LOC400499: variants seen among roughly 807,000 people sequenced by gnomAD.
At chr16:11,477,252 G>A in the LOC400499 span, among the ~76,000 whole-genome samples, 3,507 of 152,296 alleles carry the variant, frequency 0.023, 91 homozygotes, top group East Asian at 0.14. Flanking sequence ...GGCTCTTCAC[G>A]CCAGAGAGCA....
At chr16:11,391,822 G>T in the LOC400499 span, 1 of 1,232,282 alleles carries the variant, frequency 8.1e-7, no homozygotes. Flanking sequence ...AGCTGCAGAA[G>T]GAGGCCTGCC....
At chr16:11,384,304 C>G in the LOC400499 span, 5 of 1,232,272 alleles carry the variant, frequency 4.1e-6, no homozygotes, top group Non-Finnish European at 5.1e-6. Context: ...GTCATTGGTG[C>G]CCAGAAGGCC....
At chr16:11,502,475 C>A in the LOC400499 span, among the ~76,000 whole-genome samples, 2 of 152,220 alleles carry the variant, frequency 1.3e-5, no homozygotes, top group Non-Finnish European at 2.9e-5. Context: ...AGTGAAAGAA[C>A]AGGCATAGTG....
At chr16:11,423,421 G>T in the LOC400499 span, among the ~76,000 whole-genome samples, 1 of 152,236 alleles carries the variant, frequency 6.6e-6, no homozygotes, top group South Asian at 2.1e-4. Context: ...CGAAGCCACG[G>T]CATCATCATC....
the LOC400499 span, among the ~76,000 whole-genome samples, chr16:11,509,732 G>A: frequency 1.3e-5 from 2 of 152,122 alleles, no homozygotes; most frequent in African/African-American, 4.8e-5. Flanking sequence ...ACGGGAGGCT[G>A]AGGCAGAAGA....
At chr16:11,463,577 T>A in the LOC400499 span, among the ~76,000 whole-genome samples, 1 of 152,180 alleles carries the variant, frequency 6.6e-6, no homozygotes, top group African/African-American at 2.4e-5. Context: ...TGTATACGGA[T>A]GTGTAAAGAG....
chr16:11,479,914 T>C, the LOC400499 span, among the ~76,000 whole-genome samples: 1 of 152,174 alleles, frequency 6.6e-6, no homozygotes, highest in South Asian at 2.1e-4. Context: ...AGTTTTTTAG[T>C]CTTTGATTGT....
chr16:11,462,423 C>A, the LOC400499 span: 43 of 1,292,962 alleles, frequency 3.3e-5, 1 homozygote, highest in African/African-American at 6.1e-4. Flanking sequence ...CTACACCGAT[C>A]CTTACCCAAT....
At chr16:11,494,421 G>C in the LOC400499 span, among the ~76,000 whole-genome samples, 1 of 151,704 alleles carries the variant, frequency 6.6e-6, no homozygotes, top group Non-Finnish European at 1.5e-5. Flanking sequence ...GGAGGGTGAG[G>C]AGACGGGTTG....
chr16:11,492,499 G>A, the LOC400499 span, among the ~76,000 whole-genome samples: 2 of 152,154 alleles, frequency 1.3e-5, no homozygotes, highest in Middle Eastern at 3.4e-3. Flanking sequence ...AAAGTTAGGT[G>A]GTGGCCGGGC....
the LOC400499 span, chr16:11,390,512 G>A: frequency 8.2e-7 from 1 of 1,223,854 alleles, no homozygotes; most frequent in Non-Finnish European, 1.0e-6. Context: ...GCAGGTCAGA[G>A]AACCAGCCCT....
the LOC400499 span, chr16:11,442,446 C>G: frequency 6.6e-6 from 1 of 152,162 alleles, no homozygotes; most frequent in Non-Finnish European, 1.5e-5. Context: ...TGGTCTCGAA[C>G]TCCTGACCTC....
the LOC400499 span, among the ~76,000 whole-genome samples, chr16:11,402,525 C>G: frequency 6.6e-6 from 1 of 152,316 alleles, no homozygotes; most frequent in East Asian, 1.9e-4. Context: ...AGGCCTCACC[C>G]CGCTTCCTCC....
chr16:11,390,104 C>T, the LOC400499 span: 3 of 1,232,238 alleles, frequency 2.4e-6, no homozygotes, highest in Middle Eastern at 3.1e-4. Context: ...CCCCGAGTTA[C>T]CTGGCCGACA....
the LOC400499 span, chr16:11,383,592 G>T: frequency 8.1e-7 from 1 of 1,231,820 alleles, no homozygotes; most frequent in Non-Finnish European, 1.0e-6. Context: ...CTCTGGCCTG[G>T]AAGGCAGATG....
chr16:11,519,707 CTT>C, the LOC400499 span, among the ~76,000 whole-genome samples: 11 of 141,730 alleles, frequency 7.8e-5, no homozygotes, highest in Non-Finnish European at 1.1e-4. Flanking sequence ...TGTGACTCCA[CTT>C]TTTTTTTTTT....
chr16:11,515,889 C>CCCCCCCCCCCCCCCCCCCCA, the LOC400499 span: 1 of 42,456 alleles, frequency 2.4e-5, no homozygotes, highest in East Asian at 1.3e-4. Flanking sequence ...CAGCCCAGCC[C>CCCCCCCCCCCCCCCCCCCCA]AGCCTAGCCC....
the LOC400499 span, among the ~76,000 whole-genome samples, chr16:11,465,057 C>G: frequency 2.0e-5 from 3 of 152,214 alleles, no homozygotes; most frequent in African/African-American, 7.2e-5. Context: ...ATGCTCCACT[C>G]CAGGCCTCTC....
chr16:11,496,466 T>C, the LOC400499 span, among the ~76,000 whole-genome samples: 6 of 152,220 alleles, frequency 3.9e-5, no homozygotes, highest in Non-Finnish European at 8.8e-5. Flanking sequence ...AACATAAGCA[T>C]CTGTGTGTGT....
Sources: allele counts gnomAD v4.1 joint callset (sites outside exome capture counted in the v4.1 genomes callset), GRCh38; gene constraint gnomAD v4.1.1; transcripts MANE v1.5.